The following NCK1 variants were observed in gnomAD, a reference collection of about 807,000 sequenced individuals.
The protein encoded by NCK1 is SH2/SH3 adapter protein NCK1.
A neutral mutation model predicts 36.6 loss-of-function variants in NCK1; 19 were observed. That is an observed-to-expected ratio of 0.52 (90% CI 0.36 to 0.76). The LOEUF (loss-of-function observed/expected upper bound fraction) is 0.76. NCK1 is among the 30% of genes least tolerant of loss of function. The probability of loss-of-function intolerance (pLI) is 0.00; values close to 1 mark genes in which losing one functional copy is unlikely to be tolerated. For synonymous variants in NCK1, 165 were observed against 156.0 expected, an observed-to-expected ratio of 1.06 and a Z score of -0.43; for missense variants, 358 against 445.6, an observed-to-expected ratio of 0.80 and a Z score of 1.77.
chr3:136,897,763 TGAG>T (rs1156695827), intron 1 of NCK1, among the ~76,000 whole-genome samples: 1 of 152,354 alleles, frequency 6.6e-6, no homozygotes, highest in African/African-American at 2.4e-5. Flanking sequence ...TCCCATAAAC[TGAG>T]AAGAACTGAG....
intron 1 of NCK1, among the ~76,000 whole-genome samples, chr3:136,927,568 C>T (rs1035286435): frequency 6.6e-6 from 1 of 152,152 alleles, no homozygotes; most frequent in Non-Finnish European, 1.5e-5. Context: ...TGTCGCCAGG[C>T]TGGAGTGCAG....
intron 1 of NCK1, among the ~76,000 whole-genome samples, chr3:136,905,547 C>T (rs1215419228): frequency 6.6e-6 from 1 of 151,962 alleles, no homozygotes; most frequent in African/African-American, 2.4e-5. Flanking sequence ...GTCACAGTGT[C>T]TGGCCTCAGA....
At chr3:136,935,819 G>A (rs1021767120) in intron 2 of NCK1, among the ~76,000 whole-genome samples, 3 of 152,046 alleles carry the variant, frequency 2.0e-5, no homozygotes, top group Admixed American at 2.0e-4. Context: ...ATTCCAAAAT[G>A]TTTCCATCAC....
In NCK1 at chr3:136,928,356, A is replaced by AAGGC. The variant is rs1196138962; in HGVS notation, c.226+129_226+130insAGGC. On this transcript the variant is annotated intron_variant, in intron 2 of 3. Coordinates refer to ENST00000481752, the MANE Select transcript of NCK1 (RefSeq NM_001291999.2). Reference sequence around the variant, plus strand: ...GGCAAGGGCTAGGTAAGTTTGAGTCATAGCAGGTGGTCAACCCAGAAGACC... The same window carrying AAGGC: ...GGCAAGGGCTAGGTAAGTTTGAGTCAAGGCTAGCAGGTGGTCAACCCAGAAGACC... 140 of 843,040 alleles carry AAGGC rather than the reference A, an allele frequency of 1.7e-4. No homozygotes were observed. In the African/African-American group the frequency reaches 2.0e-3, roughly 12 times the overall value. The allele number at this position is 843,040 out of a possible 1,614,324, so 52.2% of individuals were successfully genotyped here. A position where few individuals can be genotyped will look rare whatever the true frequency, so the allele number is the denominator to read the frequency against.
chr3:136,927,831 T>A (rs1307945160), intron 1 of NCK1, among the ~76,000 whole-genome samples, 153 bp from the exon 2 acceptor site: 1 of 152,202 alleles, frequency 6.6e-6, no homozygotes, highest in East Asian at 1.9e-4. Context: ...ACAGTCACAG[T>A]CTCTTTAAAT....
intron 1 of NCK1, among the ~76,000 whole-genome samples, chr3:136,912,162 C>CTT (rs57596314): frequency 0.12 from 14,907 of 127,492 alleles, 1,381 homozygotes; most frequent in Non-Finnish European, 0.17. Flanking sequence ...ATTATTTTTT[C>CTT]TTTTTTTTTT....
At chr3:136,885,536 C>T (rs1425048716) in intron 1 of NCK1, among the ~76,000 whole-genome samples, 1 of 152,126 alleles carries the variant, frequency 6.6e-6, no homozygotes, top group Non-Finnish European at 1.5e-5. Flanking sequence ...AACTCCTGGG[C>T]TCAAGTGATT....
At chr3:136,926,875 T>G (rs2108128318) in intron 1 of NCK1, among the ~76,000 whole-genome samples, 1 of 152,368 alleles carries the variant, frequency 6.6e-6, no homozygotes, top group East Asian at 1.9e-4. Context: ...GTGTTTCATT[T>G]GTTTTCTATT....
At chr3:136,917,232 CTTTT>C (rs11455373) in intron 1 of NCK1, among the ~76,000 whole-genome samples, 1 of 139,212 alleles carries the variant, frequency 7.2e-6, no homozygotes, top group Non-Finnish European at 1.5e-5. Flanking sequence ...ACATTATGAG[CTTTT>C]TTTTTTTTTT....
chr3:136,907,960 A>G (rs879672935), intron 1 of NCK1, among the ~76,000 whole-genome samples: 5 of 152,186 alleles, frequency 3.3e-5, no homozygotes, highest in Non-Finnish European at 5.9e-5. Context: ...AGCAAGAGAG[A>G]GAACATCCTT....
intron 1 of NCK1, among the ~76,000 whole-genome samples, chr3:136,900,623 A>G (rs1005431431): frequency 1.1e-4 from 17 of 152,034 alleles, no homozygotes; most frequent in African/African-American, 4.1e-4. Context: ...TTTTATAGCT[A>G]TTGTAAAAAG....
chr3:136,890,652 G>GT (rs536426273), intron 1 of NCK1, among the ~76,000 whole-genome samples: 46 of 152,182 alleles, frequency 3.0e-4, no homozygotes, highest in Admixed American at 1.8e-3. Flanking sequence ...AGGCATTTGA[G>GT]TTTTTTCTCC....
chr3:136,946,352 A>G, intron 3 of NCK1, 57 bp downstream of exon 3: 2 of 1,450,394 alleles, frequency 1.4e-6, no homozygotes. Context: ...TAAAAAAAAG[A>G]GAGAGAGAAA....
intron 2 of NCK1, among the ~76,000 whole-genome samples, chr3:136,932,835 T>C (rs1246000224): frequency 6.6e-6 from 1 of 152,228 alleles, no homozygotes; most frequent in East Asian, 1.9e-4. Context: ...GGAACAGAAT[T>C]GTAGTTGACT....
intron 1 of NCK1, among the ~76,000 whole-genome samples, chr3:136,875,840 CAG>C (rs1337845949): frequency 6.6e-6 from 1 of 150,738 alleles, no homozygotes. Context: ...CCCAAATCAA[CAG>C]AATATACATT....
Position 136,876,679 on chromosome 3 carries a change from G to T in NCK1, c.-19+14326G>T, listed in dbSNP as rs557668697. On this transcript the variant is annotated intron_variant, in intron 1 of 3. Coordinates refer to ENST00000481752, the MANE Select transcript of NCK1 (RefSeq NM_001291999.2). ...ACTTTTATTCCTACAAAGAATATAC[G>T]TATTTTTTTTAGGTGGCTAAAAACT... Among the ~76,000 whole-genome samples, 4 of 151,700 alleles carry T rather than the reference G, an allele frequency of 2.6e-5. No individual in the cohort carries two copies. In the East Asian group the frequency reaches 7.7e-4, roughly 29 times the overall value.
Position 136,944,111 on chromosome 3 carries a change from C to CTTTTTTTTTTTTTTTT in NCK1, c.227-1472_227-1471insTTTTTTTTTTTTTTTT, listed in dbSNP as rs1560055771. ...AAAGTCGAGGGAAAAGGAAAAACAA[C>CTTTTTTTTTTTTTTTT]CTTTTTTTTTTTTTTTTTTTTTTTT... On this transcript the variant is annotated intron_variant, in intron 2 of 3. Transcript: ENST00000481752. Among the ~76,000 whole-genome samples, 5 of 80,924 alleles carry CTTTTTTTTTTTTTTTT rather than the reference C, an allele frequency of 6.2e-5. 1 individual carries two copies. The highest frequency in any genetic ancestry group is 1.7e-4 in the African/African-American group (3 of 17,456). The allele number at this position is 80,924 out of a possible 152,430, so 53.1% of individuals were successfully genotyped here.
chr3:136,905,035 T>C (rs1469397250), intron 1 of NCK1, among the ~76,000 whole-genome samples: 2 of 149,110 alleles, frequency 1.3e-5, no homozygotes, highest in African/African-American at 4.9e-5. Context: ...CTTTTTGAGA[T>C]GGAGTCTCGC....
At chr3:136,900,980 G>T (rs907269222) in intron 1 of NCK1, among the ~76,000 whole-genome samples, 5 of 152,068 alleles carry the variant, frequency 3.3e-5, no homozygotes, top group African/African-American at 1.2e-4. Context: ...GGGCATCCTC[G>T]TCTTGTTCCA....
Sources: gnomAD v4.1 joint callset for allele counts (sites outside exome capture counted in the v4.1 genomes callset) on GRCh38, gnomAD v4.1.1 for gene constraint, MANE v1.5 for transcripts, NCBI Gene and HGNC (gene_info 2026-07-23, HGNC 2026-07-21) for gene names.